The following HDAC9 variants were observed in gnomAD, a reference collection of about 807,000 sequenced individuals.
The protein encoded by HDAC9 is MEF-2 interacting transcription repressor (MITR) protein.
HDAC9 carries 41 observed loss-of-function variants against 139.4 expected under a neutral mutation model. That is an observed-to-expected ratio of 0.29 (90% CI 0.23 to 0.38). The LOEUF (loss-of-function observed/expected upper bound fraction) is 0.38, where lower values mean the gene tolerates loss of function less well. Ranked by LOEUF, HDAC9 falls within the 10% of genes least tolerant of loss-of-function variation. HDAC9 has a pLI of 1.00. For synonymous variants in HDAC9, 517 were observed against 476.2 expected (o/e 1.09, Z -1.12); for missense variants, 1,147 against 1,297.0 (o/e 0.88, Z 1.78).
intron 2 of HDAC9, among the ~76,000 whole-genome samples, chr7:18,207,101 T>G (rs995251642): frequency 6.6e-6 from 1 of 151,688 alleles, no homozygotes; most frequent in East Asian, 1.9e-4. Flanking sequence ...GTTTGGTTTG[T>G]TTTTGTTTTT....
chr7:18,482,851 C>T (rs1384498842), intron 1 of HDAC9, among the ~76,000 whole-genome samples: 3 of 152,130 alleles, frequency 2.0e-5, no homozygotes, highest in African/African-American at 7.2e-5. Context: ...ACACTGAAGG[C>T]CCTTCTTCCC....
At chr7:18,813,027 T>G (rs1390130032) in intron 17 of HDAC9, among the ~76,000 whole-genome samples, 1 of 152,090 alleles carries the variant, frequency 6.6e-6, no homozygotes, top group Non-Finnish European at 1.5e-5. Flanking sequence ...CTTTTGAAAT[T>G]GTCACTTCAC....
chr7:18,125,376 TC>T (rs1784595356), intron 1 of HDAC9, among the ~76,000 whole-genome samples: 1 of 152,038 alleles, frequency 6.6e-6, no homozygotes, highest in South Asian at 2.1e-4. Flanking sequence ...TCTAGGACTT[TC>T]CTGAATCTCT....
intron 1 of HDAC9, among the ~76,000 whole-genome samples, chr7:18,468,347 G>C (rs991545346): frequency 3.9e-5 from 6 of 152,030 alleles, no homozygotes; most frequent in African/African-American, 1.4e-4. Context: ...TGGACACATG[G>C]ATATTTATTT....
intron 1 of HDAC9, among the ~76,000 whole-genome samples, chr7:18,111,199 A>G (rs1783598467): frequency 6.6e-6 from 1 of 152,218 alleles, no homozygotes; most frequent in African/African-American, 2.4e-5. Context: ...TTCATTAGTA[A>G]GTATAGAAGA....
At chr7:18,966,611 G>T (rs146510074) in intron 24 of HDAC9, among the ~76,000 whole-genome samples, 3 of 152,248 alleles carry the variant, frequency 2.0e-5, no homozygotes, top group Non-Finnish European at 4.4e-5. Context: ...TGAGGCAGGA[G>T]AATTGCTTGA....
At chr7:18,104,159 A>G (rs1783042767) in intron 1 of HDAC9, among the ~76,000 whole-genome samples, 1 of 152,186 alleles carries the variant, frequency 6.6e-6, no homozygotes, top group South Asian at 2.1e-4. Context: ...CGGGCTAGGA[A>G]GTCATTTTTT....
At chr7:18,660,806 G>T (rs1162878685) in intron 11 of HDAC9, among the ~76,000 whole-genome samples, 2 of 152,080 alleles carry the variant, frequency 1.3e-5, no homozygotes, top group African/African-American at 4.8e-5. Context: ...GCAACCAGAG[G>T]CCAGGGTAGC....
chr7:18,519,888 TAA>T (rs1248413490), intron 2 of HDAC9, among the ~76,000 whole-genome samples: 1 of 152,090 alleles, frequency 6.6e-6, no homozygotes, highest in African/African-American at 2.4e-5. Flanking sequence ...TACAAGTCAT[TAA>T]AGTTATTAAG....
chr7:18,496,375 C>A, intron 2 of HDAC9, 51 bp downstream of exon 2: 1 of 1,508,286 alleles, frequency 6.6e-7, no homozygotes, highest in Non-Finnish European at 9.2e-7. Context: ...AGGGGGCTGG[C>A]TTGGGAAATG....
chr7:18,792,180 C>T (rs1165418764), intron 16 of HDAC9, among the ~76,000 whole-genome samples: 1 of 150,422 alleles, frequency 6.6e-6, no homozygotes, highest in Non-Finnish European at 1.5e-5. Context: ...TAGAAAACTA[C>T]TTAGTTCACT....
intron 2 of HDAC9, among the ~76,000 whole-genome samples, chr7:18,281,831 C>T (rs148498195): frequency 2.8e-4 from 43 of 151,962 alleles, no homozygotes; most frequent in African/African-American, 9.7e-4. Flanking sequence ...TCTTTTTCTC[C>T]GTATTGAATA....
intron 12 of HDAC9, among the ~76,000 whole-genome samples, chr7:18,681,400 A>C (rs1455499074): frequency 1.3e-5 from 2 of 151,994 alleles, no homozygotes; most frequent in African/African-American, 4.8e-5. Context: ...TTTATAGTCA[A>C]TATGTTCAGT....
intron 2 of HDAC9, among the ~76,000 whole-genome samples, chr7:18,210,483 C>G (rs1434113851): frequency 6.6e-6 from 1 of 152,152 alleles, no homozygotes. Flanking sequence ...ACCTTTAGAA[C>G]TAAAGATATG....
Position 18,634,644 on chromosome 7 carries a change from A to G in HDAC9, c.814A>G (p.Ser272Gly). ...FEVTESSVSS[S>G]SPGSGPSSPN... ...TTTTTCAGAATCCTCAGTCAGTAGC[A>G]GTTCTCCAGGCTCTGGTCCCAGTTC... The change falls in exon 8 of 26, where the codon AGT becomes GGT. Residue 272 changes from serine to glycine, a missense_variant. By Grantham distance (56) the Ser-to-Gly change is moderately conservative. Around this residue, in one of 7 missense-constraint regions of HDAC9, gnomAD observed 264 missense variants for 273.8 expected, o/e 0.96. Transcript: ENST00000686413. 6.3e-7 allele frequency: 1 copy of G among 1,583,358 alleles called. No individual in the cohort carries two copies. The highest frequency in any genetic ancestry group is 8.6e-7 in the Non-Finnish European group (1 of 1,162,510).
At chr7:18,341,898 T>A (rs747593396) in intron 1 of HDAC9, among the ~76,000 whole-genome samples, 5 of 151,774 alleles carry the variant, frequency 3.3e-5, no homozygotes, top group Non-Finnish European at 5.9e-5. Flanking sequence ...TGAAAACAGT[T>A]TTATCCTTTT....
chr7:18,096,114 G>A (rs1393884280), intron 1 of HDAC9, among the ~76,000 whole-genome samples: 1 of 152,104 alleles, frequency 6.6e-6, no homozygotes, highest in Non-Finnish European at 1.5e-5. Context: ...TGGAGTCATC[G>A]AATTCTAAAT....
chr7:18,851,824 G>A (rs1797320282), intron 21 of HDAC9, among the ~76,000 whole-genome samples: 1 of 152,052 alleles, frequency 6.6e-6, no homozygotes, highest in African/African-American at 2.4e-5. Flanking sequence ...ACCATTTTCC[G>A]TTTTTCTTTC....
In HDAC9 at chr7:18,314,654, C is replaced by T. The variant is rs547974118; in HGVS notation, c.-42+24139C>T. On this transcript the variant is annotated intron_variant, in intron 1 of 3. Transcript: ENST00000413509. Reference sequence around the variant, plus strand: ...TACTTATTGAAGAGTAAGTTATTTACAGTGTTTTAAGAGTGAGATTTTATT... The same window carrying T: ...TACTTATTGAAGAGTAAGTTATTTATAGTGTTTTAAGAGTGAGATTTTATT... 1.4e-4 allele frequency among the ~76,000 whole-genome samples: 22 copies of T among 152,228 alleles called. No individual in the cohort carries two copies. In the South Asian group the frequency reaches 4.6e-3, roughly 32 times the overall value.
Sources: allele counts gnomAD v4.1 joint callset (sites outside exome capture counted in the v4.1 genomes callset), GRCh38; gene constraint gnomAD v4.1.1; regional missense constraint gnomAD v4.1.1; transcripts MANE v1.5; gene names NCBI Gene and HGNC (gene_info 2026-07-23, HGNC 2026-07-21).